UNC5A: variants seen among roughly 807,000 people sequenced by gnomAD.
UNC5A encodes the protein unc-5 netrin receptor A.
UNC5A carries 20 observed loss-of-function variants against 87.4 expected under a neutral mutation model. The ratio of observed to expected loss-of-function variants is 0.23; its 90% CI spans 0.16 to 0.33. The LOEUF (loss-of-function observed/expected upper bound fraction) is 0.33, where lower values mean the gene tolerates loss of function less well. Among genes scored for constraint, UNC5A ranks in the 10% least tolerant of loss-of-function variants. The pLI, the probability that UNC5A is intolerant of heterozygous loss-of-function variation, is 1.00. For missense variants in UNC5A, 844 were observed against 1,133.4 expected (o/e 0.74, Z 3.67); for synonymous variants, 438 against 482.3 (o/e 0.91, Z 1.20).
rs975598222 is a variant in UNC5A at position 176,866,095 on chromosome 5, C to G, written c.293-2035C>G. 2.0e-5 allele frequency among the ~76,000 whole-genome samples: 3 copies of G among 152,222 alleles called. No individual in the cohort carries two copies. Among genetic ancestry groups the G allele is most frequent in the African/African-American group, 4.8e-5 (2 of 41,462 alleles). ...CCTGGGCAGCCCAGGTTCACACACA[C>G]ACCCGCCCAGGCCCACTGGCCCGGG... On this transcript the variant is annotated intron_variant, in intron 2 of 14. Coordinates refer to ENST00000329542, the MANE Select transcript of UNC5A (RefSeq NM_133369.3). This position sits in a 1 kb window ranked among gnomAD's most constrained non-coding sequence, Gnocchi z 5.0.
In UNC5A at chr5:176,866,365, A is replaced by T. The variant is rs1581272006; in HGVS notation, c.293-1765A>T. On this transcript the variant is annotated intron_variant, in intron 2 of 14. Coordinates refer to ENST00000329542, the MANE Select transcript of UNC5A (RefSeq NM_133369.3). This position sits in a 1 kb window ranked among gnomAD's most constrained non-coding sequence, Gnocchi z 5.0. ...TGCGTGGAGCTGGCACATTGAGGAC[A>T]CACTTGGCCCTCACTCATGCAAGTG... Among the ~76,000 whole-genome samples the T allele has an allele frequency of 6.6e-6, 1 of 152,160 alleles. No homozygotes were observed. The highest frequency in any genetic ancestry group is 2.1e-4 in the South Asian group (1 of 4,832).
Position 176,878,639 on chromosome 5 carries a change from G to A in UNC5A, c.2184G>A (p.Lys728=). 2 of 1,610,384 alleles carry A rather than the reference G, an allele frequency of 1.2e-6. No homozygotes were observed. The highest frequency in any genetic ancestry group is 1.7e-6 in the Non-Finnish European group (2 of 1,178,146). The part of the protein sequence containing the change: ...QSFSINFNIT[K]DTRFAELLAL... ...TCAGCATCAACTTCAACATCACCAA[G>A]GTGGACGGGAGGGGCTGCCGCACCG... Residue 728 remains lysine (K), a splice_region_variant and synonymous_variant, in exon 13 of 15, where the codon AAG becomes AAA. Coordinates refer to ENST00000329542, the MANE Select transcript of UNC5A (RefSeq NM_133369.3).
chr5:176,865,354 G>A lies in UNC5A; in HGVS notation c.292+2509G>A, dbSNP rs967161147. On this transcript the variant is annotated intron_variant, in intron 2 of 14. Coordinates refer to ENST00000329542, the MANE Select transcript of UNC5A (RefSeq NM_133369.3). This position sits in a 1 kb window ranked among gnomAD's most constrained non-coding sequence, Gnocchi z 5.3. ...AGGGCTCAGATCCATGGACTGGCAG[G>A]AACCCAGACCCTTGCCTGAATGAGC... Among the ~76,000 whole-genome samples the A allele has an allele frequency of 2.0e-4, 30 of 152,166 alleles. No homozygotes were observed. The highest frequency in any genetic ancestry group is 3.7e-4 in the Non-Finnish European group (25 of 68,020).
chr5:176,880,714 C>T lies in UNC5A; in HGVS notation c.*828C>T. ...GTGAGTGTGTGTGTGGCGTGGCGTG[C>T]CCGTCCCCAGGGCTGGCTGGTGCCC... On this transcript the variant is annotated 3_prime_UTR_variant, in exon 15 of 15. Transcript: ENST00000329542. 1 of 192,720 alleles carries T rather than the reference C, an allele frequency of 5.2e-6. No homozygotes were observed. The highest frequency in any genetic ancestry group is 1.1e-5 in the Non-Finnish European group (1 of 94,830). The allele number at this position is 192,720 out of a possible 1,614,324, so 11.9% of individuals were successfully genotyped here.
At chr5:176,864,653 T>G (rs1757927712) in intron 2 of UNC5A, among the ~76,000 whole-genome samples, 1 of 152,200 alleles carries the variant, frequency 6.6e-6, no homozygotes, top group African/African-American at 2.4e-5. Context: ...CAGCAGGGAC[T>G]GCCTCCCTCC....
intron 1 of UNC5A, among the ~76,000 whole-genome samples, chr5:176,822,310 C>T (rs1053190601): frequency 2.6e-5 from 4 of 152,154 alleles, no homozygotes; most frequent in African/African-American, 7.2e-5. Flanking sequence ...GCAGGATCTG[C>T]GGTTGATAAA....
At chr5:176,856,750 C>T (rs1212192860) in intron 1 of UNC5A, among the ~76,000 whole-genome samples, 1 of 152,108 alleles carries the variant, frequency 6.6e-6, no homozygotes. Flanking sequence ...CTCCCCACCT[C>T]CCCTCTGCCC....
chr5:176,813,833 C>G (rs1004894579), intron 1 of UNC5A, among the ~76,000 whole-genome samples: 1 of 152,186 alleles, frequency 6.6e-6, no homozygotes, highest in Non-Finnish European at 1.5e-5. Flanking sequence ...GGGTGGGGCT[C>G]CCCTGCTCTA....
At position 176,864,443 on chromosome 5, in the gene UNC5A, G is replaced by C. The variant is rs188306951; in HGVS notation, c.292+1598G>C. On this transcript the variant is annotated intron_variant, in intron 2 of 14. Coordinates refer to ENST00000329542, the MANE Select transcript of UNC5A (RefSeq NM_133369.3). ...GGAGGAGGGCAAGGCCCCTGCCAGG[G>C]AGAACGGTTTGGAAGCTCTGGCAGT... Among the ~76,000 whole-genome samples, 22 of 152,366 alleles carry C rather than the reference G, an allele frequency of 1.4e-4. No individual in the cohort carries two copies. In the East Asian group the frequency reaches 4.2e-3, roughly 29 times the overall value.
At chr5:176,842,573 G>A (rs1757302881) in intron 1 of UNC5A, among the ~76,000 whole-genome samples, 1 of 151,976 alleles carries the variant, frequency 6.6e-6, no homozygotes, top group Admixed American at 6.5e-5. Flanking sequence ...ACCTGGATGA[G>A]ACTGGAGACT....
rs1228376378 is a variant in UNC5A, at chr5:176,866,232, G to A, written c.293-1898G>A. On this transcript the variant is annotated intron_variant, in intron 2 of 14. Transcript: ENST00000329542. The surrounding 1 kb of genome is among the most constrained non-coding windows in gnomAD (Gnocchi z 5.0). Reference sequence around the variant, plus strand: ...GCCTGATGATCCACAAGAGGAGAGCGCACAGCCCCTCACATCAAAGATGGG... The same window carrying A: ...GCCTGATGATCCACAAGAGGAGAGCACACAGCCCCTCACATCAAAGATGGG... Among the ~76,000 whole-genome samples the A allele has an allele frequency of 2.0e-5, 3 of 152,164 alleles. No homozygotes were observed. The highest frequency in any genetic ancestry group is 1.3e-4 in the Admixed American group (2 of 15,282).
At chr5:176,856,686 G>A (rs920867882) in intron 1 of UNC5A, among the ~76,000 whole-genome samples, 2 of 152,104 alleles carry the variant, frequency 1.3e-5, no homozygotes, top group Non-Finnish European at 2.9e-5. Context: ...TTTCCCTGGT[G>A]GACCAGGTGG....
Position 176,870,438 on chromosome 5 carries a change from C to T in UNC5A, c.790C>T (p.Arg264Cys). Residue 264 changes from arginine to cysteine, a missense_variant, in exon 6 of 15, where the codon CGT becomes TGT. Around this residue, in one of 3 missense-constraint regions of UNC5A, gnomAD observed 314 missense variants for 466.5 expected, o/e 0.67. Coordinates refer to ENST00000329542, the MANE Select transcript of UNC5A (RefSeq NM_133369.3). ...GCTGGACTGCACCCACTGGCGGAGC[C>T]GTGAGTGCTCTGACCCAGCACCCCG... ...CGLDCTHWRS[R>C]ECSDPAPRNG... The T allele has an allele frequency of 6.2e-7, 1 of 1,612,160 alleles. No homozygotes were observed. Among genetic ancestry groups the T allele is most frequent in the Non-Finnish European group, 8.5e-7 (1 of 1,179,480 alleles).
intron 6 of UNC5A, among the ~76,000 whole-genome samples, chr5:176,873,055 A>G (rs1426616175): frequency 9.9e-6 from 1 of 101,386 alleles, no homozygotes; most frequent in African/African-American, 3.8e-5. Context: ...CCATCTGCCC[A>G]CACTCACCAA....
intron 1 of UNC5A, among the ~76,000 whole-genome samples, chr5:176,813,155 T>C (rs1260435737): frequency 6.6e-6 from 1 of 152,218 alleles, no homozygotes; most frequent in Non-Finnish European, 1.5e-5. Flanking sequence ...AGCACCCATC[T>C]GTCTCACAGG....
rs553124719 is a variant in UNC5A, at chr5:176,868,939, C to T, written c.696C>T (p.Ser232=). ...AGAACATCGTGGCACGTCGCCGCAG[C>T]GCCTCCGCTGCTGTCATCGTCTACG... is the stretch of plus-strand genomic sequence containing the variant. ...VAKNIVARRR[S]ASAAVIVYVD... Residue 232 remains serine, a synonymous_variant, in exon 5 of 15, where the codon AGC becomes AGT. Coordinates refer to ENST00000329542, the MANE Select transcript of UNC5A (RefSeq NM_133369.3). 1.4e-5 allele frequency: 22 copies of T among 1,610,086 alleles called. No homozygotes were observed. In the East Asian group the frequency reaches 2.0e-4, roughly 15 times the overall value.
chr5:176,860,543 G>A (rs1176440903), intron 1 of UNC5A, among the ~76,000 whole-genome samples: 1 of 152,196 alleles, frequency 6.6e-6, no homozygotes, highest in Non-Finnish European at 1.5e-5. Context: ...ACCATGGCGA[G>A]CACACAGGTG....
intron 1 of UNC5A, among the ~76,000 whole-genome samples, chr5:176,815,817 CG>C (rs1756574124): frequency 6.6e-6 from 1 of 152,196 alleles, no homozygotes; most frequent in South Asian, 2.1e-4. Flanking sequence ...CCCCCTCCCC[CG>C]CCATTGACAC....
chr5:176,872,534 C>A (rs57220977), intron 6 of UNC5A, among the ~76,000 whole-genome samples: 2 of 74,852 alleles, frequency 2.7e-5, no homozygotes, highest in Admixed American at 1.1e-4. Flanking sequence ...CCACAGCTTC[C>A]CATCTGCCCA....
Sources: gnomAD v4.1 joint callset for allele counts (sites outside exome capture counted in the v4.1 genomes callset) on GRCh38, gnomAD v4.1.1 for gene constraint, gnomAD v4.1.1 regional missense constraint, Gnocchi (gnomAD v3.1) non-coding constraint, MANE v1.5 for transcripts, NCBI Gene and HGNC (gene_info 2026-07-23, HGNC 2026-07-21) for gene names.